Variants in CNTN5 observed in about 807,000 individuals in gnomAD.
CNTN5 encodes contactin-5.
Under a neutral mutation model 129.1 loss-of-function variants are expected in CNTN5, and 77 were observed. The ratio of observed to expected loss-of-function variants is 0.60; its 90% CI spans 0.50 to 0.72. The LOEUF is 0.72. CNTN5 is among the 30% of genes least tolerant of loss of function. CNTN5 has a pLI of 0.00. For synonymous variants in CNTN5, 509 were observed against 465.6 expected, an observed-to-expected ratio of 1.09 and a Z score of -1.20; for missense variants, 1,478 against 1,328.8, an observed-to-expected ratio of 1.11 and a Z score of -1.75.
chr11:99,662,492 A>G (rs750478914), intron 3 of CNTN5, among the ~76,000 whole-genome samples: 4 of 152,218 alleles, frequency 2.6e-5, no homozygotes, highest in African/African-American at 7.2e-5. Context: ...ATGGTTATCA[A>G]TTTCTGAAGT....
intron 3 of CNTN5, 48 bp from the exon 4 acceptor site, chr11:99,819,496 A>G (rs765004879): frequency 6.7e-7 from 1 of 1,497,262 alleles, no homozygotes; most frequent in African/African-American, 1.4e-5. Context: ...GAAAAAAATA[A>G]ACTAGTTTCC....
chr11:99,766,221 T>C (rs944770086), intron 3 of CNTN5, among the ~76,000 whole-genome samples: 4 of 152,068 alleles, frequency 2.6e-5, no homozygotes, highest in Non-Finnish European at 4.4e-5. Flanking sequence ...TTTCTGGAAG[T>C]TGCCTTGATT....
In CNTN5 at chr11:99,842,039, C is replaced by G. The variant is rs79175040; in HGVS notation, c.278-2813C>G. 9.0e-3 allele frequency among the ~76,000 whole-genome samples: 1,369 copies of G among 151,654 alleles called. 64 individuals carry two copies. In the East Asian group the frequency reaches 0.13, roughly 14 times the overall value. ...GTAGCTGGAATTACAGGCATGCACCCCACGCACCACCACGCCCAGCTAATT... is the reference window on the plus strand; with the variant it reads ...GTAGCTGGAATTACAGGCATGCACCGCACGCACCACCACGCCCAGCTAATT... On this transcript the variant is annotated intron_variant, in intron 4 of 24. Coordinates refer to ENST00000524871, the MANE Select transcript of CNTN5 (RefSeq NM_014361.4).
rs551250094 is a variant in CNTN5 at position 100,180,817 on chromosome 11, G to C, written c.1581-10309G>C. ...TAATCCAATTAGAAAATGAGCAGAAGATATGAAGAGACAGCAAGCACAGAA... is the reference window on the plus strand; with the variant it reads ...TAATCCAATTAGAAAATGAGCAGAACATATGAAGAGACAGCAAGCACAGAA... On this transcript the variant is annotated intron_variant, in intron 13 of 24. Transcript: ENST00000524871. 2.6e-5 allele frequency among the ~76,000 whole-genome samples: 4 copies of C among 152,008 alleles called. No individual in the cohort carries two copies. In the East Asian group the frequency reaches 5.8e-4, roughly 22 times the overall value.
At chr11:100,162,082 C>T (rs1451008843) in intron 13 of CNTN5, among the ~76,000 whole-genome samples, 1 of 151,768 alleles carries the variant, frequency 6.6e-6, no homozygotes, top group East Asian at 1.9e-4. Context: ...AGAGTCTGGG[C>T]TCAGGATCCA....
intron 9 of CNTN5, among the ~76,000 whole-genome samples, chr11:100,040,505 A>C (rs1258721245): frequency 2.0e-5 from 3 of 152,162 alleles, no homozygotes; most frequent in Non-Finnish European, 4.4e-5. Context: ...CTGTCAGAGA[A>C]GTACATTTAA....
intron 2 of CNTN5, among the ~76,000 whole-genome samples, chr11:99,531,514 C>G (rs1345121896): frequency 4.6e-5 from 7 of 152,168 alleles, no homozygotes; most frequent in African/African-American, 1.4e-4. Flanking sequence ...TCCCCAAGAC[C>G]ATGAGGAAAA....
intron 3 of CNTN5, among the ~76,000 whole-genome samples, chr11:99,782,530 A>G (rs1296303341): frequency 6.6e-6 from 1 of 151,742 alleles, no homozygotes; most frequent in Non-Finnish European, 1.5e-5. Context: ...GTCAATCCTA[A>G]GCCAAAAGAA....
chr11:99,827,699 T>C (rs1947009378), intron 4 of CNTN5, among the ~76,000 whole-genome samples: 1 of 152,222 alleles, frequency 6.6e-6, no homozygotes, highest in Non-Finnish European at 1.5e-5. Flanking sequence ...TTTTAACAAA[T>C]ATTTTTAGAG....
intron 1 of CNTN5, among the ~76,000 whole-genome samples, chr11:99,270,459 T>A (rs919570148): frequency 3.2e-4 from 48 of 151,832 alleles, no homozygotes; most frequent in African/African-American, 1.1e-3. Context: ...CCCCAAAACC[T>A]TCGGGAACAG....
chr11:100,174,435 G>A (rs913765502), intron 13 of CNTN5, among the ~76,000 whole-genome samples: 1 of 152,006 alleles, frequency 6.6e-6, no homozygotes, highest in Non-Finnish European at 1.5e-5. Flanking sequence ...AGTCCCTTGA[G>A]AATCTAAGGG....
chr11:99,425,107 C>A (rs1176442956), intron 2 of CNTN5, among the ~76,000 whole-genome samples: 2 of 152,154 alleles, frequency 1.3e-5, no homozygotes, highest in Non-Finnish European at 2.9e-5. Flanking sequence ...AGCTGGTAAT[C>A]CCAATGTCTC....
At chr11:99,148,581 A>C (rs1591276249) in intron 1 of CNTN5, among the ~76,000 whole-genome samples, 2 of 152,168 alleles carry the variant, frequency 1.3e-5, no homozygotes, top group East Asian at 3.9e-4. Context: ...GTTGGCAGCT[A>C]AGCATTGTCT....
At chr11:100,076,240 T>C (rs1280942423) in intron 13 of CNTN5, among the ~76,000 whole-genome samples, 3 of 152,180 alleles carry the variant, frequency 2.0e-5, no homozygotes, top group African/African-American at 7.2e-5. Context: ...AAAATATATA[T>C]GCCTTATCTA....
At chr11:99,885,169 C>A (rs1948869634) in intron 6 of CNTN5, among the ~76,000 whole-genome samples, 1 of 152,042 alleles carries the variant, frequency 6.6e-6, no homozygotes, top group Non-Finnish European at 1.5e-5. Flanking sequence ...ATAGTCCTAG[C>A]TACTGGGGGC....
intron 1 of CNTN5, among the ~76,000 whole-genome samples, chr11:99,157,309 C>A (rs1191961644): frequency 6.6e-6 from 1 of 151,916 alleles, no homozygotes; most frequent in Non-Finnish European, 1.5e-5. Context: ...CTAGTAATTT[C>A]TTTTAAGAAA....
chr11:100,332,709 C>T (rs1951929868), intron 21 of CNTN5, among the ~76,000 whole-genome samples: 2 of 152,070 alleles, frequency 1.3e-5, no homozygotes, highest in African/African-American at 2.4e-5. Context: ...ATGATCATCT[C>T]AATAGACACA....
chr11:99,228,781 A>C (rs1050214804), intron 1 of CNTN5, among the ~76,000 whole-genome samples: 2 of 151,974 alleles, frequency 1.3e-5, no homozygotes, highest in African/African-American at 4.8e-5. Flanking sequence ...ATCTTATGAG[A>C]GCTAATCATA....
At chr11:100,326,652 T>G (rs749858450) in intron 21 of CNTN5, among the ~76,000 whole-genome samples, 2 of 152,212 alleles carry the variant, frequency 1.3e-5, no homozygotes, top group African/African-American at 4.8e-5. Flanking sequence ...GACAAATTAT[T>G]GAGTGCCTCC....
Sources: allele counts gnomAD v4.1 joint callset (sites outside exome capture counted in the v4.1 genomes callset), GRCh38; gene constraint gnomAD v4.1.1; transcripts MANE v1.5; gene names NCBI Gene and HGNC (gene_info 2026-07-23, HGNC 2026-07-21).